CSMD1: variants seen among roughly 807,000 people sequenced by gnomAD.
The protein encoded by CSMD1 is CUB and sushi domain-containing protein 1.
In CSMD1, 213 loss-of-function variants were observed where a neutral mutation model predicts 417.5. That is an observed-to-expected ratio of 0.51 (90% CI 0.46 to 0.57). The LOEUF is 0.57. CSMD1 is among the 20% of genes least tolerant of loss of function. The pLI is 0.00. For synonymous variants in CSMD1, 2,862 were observed against 1,736.8 expected (o/e 1.65, Z -16.11); for missense variants, 6,923 against 4,529.7 (o/e 1.53, Z -15.17).
intron 3 of CSMD1, among the ~76,000 whole-genome samples, chr8:4,204,500 T>C (rs957153587): frequency 7.9e-5 from 12 of 152,180 alleles, no homozygotes; most frequent in Non-Finnish European, 1.3e-4. Flanking sequence ...ATAAACCAGA[T>C]TCAATTTCCA....
chr8:3,363,991 G>A (rs747857175), intron 20 of CSMD1, among the ~76,000 whole-genome samples: 13 of 152,054 alleles, frequency 8.5e-5, no homozygotes, highest in African/African-American at 1.7e-4. Context: ...AACACAATCA[G>A]GAAACACTGC....
intron 5 of CSMD1, among the ~76,000 whole-genome samples, chr8:3,764,590 T>G (rs1311553408): frequency 6.6e-6 from 1 of 152,012 alleles, no homozygotes; most frequent in East Asian, 1.9e-4. Context: ...TAAACTTCTC[T>G]TGGATGGCAG....
At chr8:3,442,416 G>C (rs539539764) in intron 12 of CSMD1, among the ~76,000 whole-genome samples, 1 of 152,120 alleles carries the variant, frequency 6.6e-6, no homozygotes, top group Non-Finnish European at 1.5e-5. Context: ...TTCATGGTAA[G>C]TACCTTATAC....
intron 3 of CSMD1, among the ~76,000 whole-genome samples, chr8:4,114,814 G>A (rs946496478): frequency 2.6e-5 from 4 of 152,130 alleles, no homozygotes; most frequent in Non-Finnish European, 4.4e-5. Context: ...ATAGCGAGAG[G>A]TAAAATTAGA....
At chr8:4,477,423 G>C (rs1052676979) in intron 2 of CSMD1, among the ~76,000 whole-genome samples, 1 of 152,202 alleles carries the variant, frequency 6.6e-6, no homozygotes, top group African/African-American at 2.4e-5. Flanking sequence ...AGCAAAATTG[G>C]GGGGCTCAGA....
At chr8:4,739,375 C>T (rs1810453637) in intron 1 of CSMD1, among the ~76,000 whole-genome samples, 1 of 152,146 alleles carries the variant, frequency 6.6e-6, no homozygotes, top group Non-Finnish European at 1.5e-5. Flanking sequence ...AAATGTTCAG[C>T]TCAGTCATAT....
intron 1 of CSMD1, among the ~76,000 whole-genome samples, chr8:4,823,864 G>C (rs1349994128): frequency 6.6e-6 from 1 of 151,958 alleles, no homozygotes; most frequent in Non-Finnish European, 1.5e-5. Flanking sequence ...AGAATAAAAG[G>C]AAGGCTTAAT....
intron 5 of CSMD1, among the ~76,000 whole-genome samples, chr8:3,992,734 C>G (rs189413252): frequency 1.3e-5 from 2 of 152,324 alleles, no homozygotes; most frequent in East Asian, 3.9e-4. Flanking sequence ...TGAGCTATGA[C>G]AGCACCACTG....
At chr8:3,298,913 CT>C (rs770345058) in intron 25 of CSMD1, among the ~76,000 whole-genome samples, 1 of 152,142 alleles carries the variant, frequency 6.6e-6, no homozygotes, top group Non-Finnish European at 1.5e-5. Flanking sequence ...GGGGGTGTTT[CT>C]TTTGTGAACA....
chr8:3,237,415 C>G (rs889850479), intron 26 of CSMD1, among the ~76,000 whole-genome samples: 4 of 151,278 alleles, frequency 2.6e-5, no homozygotes, highest in African/African-American at 7.3e-5. Context: ...TGAGATGGCA[C>G]CATTGTACTC....
intron 1 of CSMD1, among the ~76,000 whole-genome samples, chr8:4,985,920 C>T (rs189009781): frequency 3.9e-5 from 6 of 152,184 alleles, no homozygotes; most frequent in South Asian, 2.1e-4. Flanking sequence ...ATTTGGAGTG[C>T]GCAGAAATTG....
intron 54 of CSMD1, among the ~76,000 whole-genome samples, chr8:2,992,098 T>G (rs537983912): frequency 9.2e-5 from 14 of 152,320 alleles, no homozygotes; most frequent in East Asian, 3.9e-4. Flanking sequence ...TCACATGATT[T>G]AAAAGAAACA....
At chr8:3,473,949 G>C (rs563126241) in intron 11 of CSMD1, among the ~76,000 whole-genome samples, 2 of 152,164 alleles carry the variant, frequency 1.3e-5, no homozygotes, top group East Asian at 3.9e-4. Flanking sequence ...ATGTGAGGGA[G>C]GAAATGTCAA....
chr8:4,394,593 T>C (rs114982936), intron 3 of CSMD1, among the ~76,000 whole-genome samples: 1 of 152,240 alleles, frequency 6.6e-6, no homozygotes, highest in African/African-American at 2.4e-5. Flanking sequence ...ATGCCCCCAG[T>C]AGCTGCAGGA....
intron 3 of CSMD1, among the ~76,000 whole-genome samples, chr8:4,342,233 CTGTGTGTGTGTG>C (rs1219686033): frequency 1.3e-4 from 3 of 23,464 alleles, no homozygotes; most frequent in Non-Finnish European, 2.6e-4. Context: ...GTGTGTGTGT[CTGTGTGTGTGTG>C]TGTGTCTCTG....
At chr8:3,312,742 C>T (rs1428173431) in intron 23 of CSMD1, among the ~76,000 whole-genome samples, 1 of 152,114 alleles carries the variant, frequency 6.6e-6, no homozygotes, top group Non-Finnish European at 1.5e-5. Flanking sequence ...AAGAGTGCTG[C>T]CTCCACCGTT....
chr8:4,664,319 G>T (rs904622976), intron 1 of CSMD1, among the ~76,000 whole-genome samples: 1 of 152,202 alleles, frequency 6.6e-6, no homozygotes, highest in African/African-American at 2.4e-5. Flanking sequence ...CAGCACTGTG[G>T]AAGGCTGAGG....
chr8:3,863,969 G>T (rs1194573742), intron 5 of CSMD1, among the ~76,000 whole-genome samples: 4 of 152,152 alleles, frequency 2.6e-5, no homozygotes, highest in African/African-American at 9.7e-5. Flanking sequence ...TCTTTTTCCT[G>T]AGGCTGCAGT....
At chr8:4,380,560 G>C (rs1418341214) in intron 3 of CSMD1, among the ~76,000 whole-genome samples, 5 of 152,278 alleles carry the variant, frequency 3.3e-5, no homozygotes, top group Middle Eastern at 3.4e-3. Context: ...ATGAGGTTTG[G>C]GATGGGACCC....
Sources: allele counts gnomAD v4.1 joint callset (sites outside exome capture counted in the v4.1 genomes callset), GRCh38; gene constraint gnomAD v4.1.1; transcripts MANE v1.5; gene names NCBI Gene and HGNC (gene_info 2026-07-23, HGNC 2026-07-21).